GALNT13: variants seen among roughly 807,000 people sequenced by gnomAD.
GALNT13 encodes UDP-GalNAc:polypeptide N-acetylgalactosaminyltransferase 13.
Under a neutral mutation model 64.2 loss-of-function variants are expected in GALNT13, and 28 were observed. The observed-to-expected ratio is 0.44, with a 90% confidence interval of 0.32 to 0.60. The LOEUF (loss-of-function observed/expected upper bound fraction) is 0.60, where lower values mean the gene tolerates loss of function less well. Among genes scored for constraint, GALNT13 ranks in the 20% least tolerant of loss-of-function variants. GALNT13 has a pLI of 0.05. For synonymous variants in GALNT13, 214 were observed against 224.6 expected (o/e 0.95, Z 0.42); for missense variants, 577 against 669.8 (o/e 0.86, Z 1.53).
chr2:153,188,224 T>C, the GALNT13 span, among the ~76,000 whole-genome samples: 1 of 152,058 alleles, frequency 6.6e-6, no homozygotes, highest in African/African-American at 2.4e-5. Context: ...ATGTAATATA[T>C]AATATTTTTA....
the GALNT13 span, chr2:153,761,872 T>C: frequency 6.3e-6 from 1 of 158,496 alleles, no homozygotes; most frequent in Admixed American, 6.4e-5. Context: ...AGACATAAAC[T>C]AGTCTTCTTG....
At chr2:153,567,981 G>A in the GALNT13 span, among the ~76,000 whole-genome samples, 5 of 152,178 alleles carry the variant, frequency 3.3e-5, no homozygotes, top group Non-Finnish European at 5.9e-5. Context: ...ACAGAGAAAC[G>A]TGTTAGCTTC....
the GALNT13 span, among the ~76,000 whole-genome samples, chr2:153,558,828 C>T: frequency 6.6e-6 from 1 of 152,172 alleles, no homozygotes; most frequent in Admixed American, 6.5e-5. Flanking sequence ...ATAATAGTAT[C>T]TTTCACTTTG....
At chr2:153,088,844 T>G in the GALNT13 span, among the ~76,000 whole-genome samples, 1 of 152,152 alleles carries the variant, frequency 6.6e-6, no homozygotes, top group African/African-American at 2.4e-5. Context: ...CCCCTTTACC[T>G]TATGTTTATG....
rs533059374 is a variant in GALNT13, at chr2:154,407,552, G to A, written c.1297-1432G>A. The stretch of plus-strand genomic sequence containing the variant: ...ATAGGTTCAATCCCTTCTAGTGTCT[G>A]GACCACCTGAAATCAGATTGAGAAT... On this transcript the variant is annotated intron_variant, in intron 10 of 12. Transcript: ENST00000392825. 2.0e-5 allele frequency among the ~76,000 whole-genome samples: 3 copies of A among 152,082 alleles called. No homozygotes were observed. The East Asian group carries it at 5.8e-4, about 29-fold the overall frequency.
chr2:153,085,586 T>C, the GALNT13 span, among the ~76,000 whole-genome samples: 1 of 152,150 alleles, frequency 6.6e-6, no homozygotes, highest in Admixed American at 6.5e-5. Context: ...CCACATGGTG[T>C]TGAGCCTGTG....
At chr2:153,957,284 A>T (rs562166831) in intron 3 of GALNT13, among the ~76,000 whole-genome samples, 139 of 152,256 alleles carry the variant, frequency 9.1e-4, no homozygotes, top group Non-Finnish European at 1.8e-3. Context: ...AGGGAAAGGG[A>T]TCCAATAGCA....
At chr2:154,125,653 A>G (rs140638080) in intron 3 of GALNT13, among the ~76,000 whole-genome samples, 161 of 152,302 alleles carry the variant, frequency 1.1e-3, no homozygotes, top group African/African-American at 3.7e-3. Flanking sequence ...AAAAAATAGA[A>G]AGGGATGGAA....
At chr2:153,541,278 TTTGCTTCCTCTTCTGCCATGA>T in the GALNT13 span, among the ~76,000 whole-genome samples, 1 of 152,138 alleles carries the variant, frequency 6.6e-6, no homozygotes, top group Admixed American at 6.5e-5. Flanking sequence ...GAAGGATGTG[TTTGCTTCCTCTTCTGCCATGA>T]TTGTAAGTTT....
chr2:154,411,669 C>T (rs1195909171), intron 11 of GALNT13, among the ~76,000 whole-genome samples: 1 of 151,720 alleles, frequency 6.6e-6, no homozygotes, highest in East Asian at 1.9e-4. Context: ...TAGATTGTAT[C>T]TGGCGAGTGG....
intron 3 of GALNT13, among the ~76,000 whole-genome samples, chr2:154,043,461 CAT>C (rs1699118804): frequency 9.4e-6 from 1 of 106,350 alleles, no homozygotes; most frequent in African/African-American, 3.8e-5. Context: ...TATATACACA[CAT>C]GTATACATAA....
intron 8 of GALNT13, among the ~76,000 whole-genome samples, chr2:154,268,167 G>A (rs545368188): frequency 2.0e-4 from 30 of 152,192 alleles, no homozygotes; most frequent in Middle Eastern, 3.4e-3. Flanking sequence ...TTGTAATACC[G>A]AAAGCCAGAA....
intron 4 of GALNT13, among the ~76,000 whole-genome samples, chr2:154,199,896 T>G (rs1687080406): frequency 6.6e-6 from 1 of 152,066 alleles, no homozygotes; most frequent in East Asian, 1.9e-4. Context: ...AGGTTTGGAT[T>G]GAAAGCATAA....
rs148700440 is a variant in GALNT13, at chr2:154,420,167, C to T, written c.1395+11085C>T. The stretch of plus-strand genomic sequence containing the variant: ...CATACACGTAGACACAAAGGCGTAC[C>T]TCAACCATCAGGACAACTTTTCTTA... On this transcript the variant is annotated intron_variant, in intron 11 of 12. Coordinates refer to ENST00000392825, the MANE Select transcript of GALNT13 (RefSeq NM_052917.4). Among the ~76,000 whole-genome samples, 196 of 152,078 alleles carry T rather than the reference C, an allele frequency of 1.3e-3. 1 individual carries two copies. The highest frequency in any genetic ancestry group is 4.2e-3 in the African/African-American group (174 of 41,522).
the GALNT13 span, among the ~76,000 whole-genome samples, chr2:153,559,347 A>G: frequency 6.6e-6 from 1 of 152,060 alleles, no homozygotes; most frequent in South Asian, 2.1e-4. Flanking sequence ...CTCCCCTTCT[A>G]TTTTTCACCA....
the GALNT13 span, among the ~76,000 whole-genome samples, chr2:153,671,538 G>A: frequency 2.6e-5 from 4 of 152,258 alleles, no homozygotes; most frequent in African/African-American, 9.6e-5. Flanking sequence ...CCCTACAAGA[G>A]CTCCTGAAGG....
the GALNT13 span, among the ~76,000 whole-genome samples, chr2:153,369,752 T>C: frequency 4.4e-4 from 67 of 152,250 alleles, no homozygotes; most frequent in Middle Eastern, 3.4e-3. Context: ...AATTCAGATA[T>C]CATATTGTGA....
the GALNT13 span, among the ~76,000 whole-genome samples, chr2:153,112,412 C>T: frequency 1.8e-4 from 28 of 152,224 alleles, no homozygotes; most frequent in East Asian, 5.4e-3. Context: ...ATTAGGCACT[C>T]TCTCTCCCAC....
At chr2:154,401,690 A>G (rs1699310656) in intron 10 of GALNT13, among the ~76,000 whole-genome samples, 1 of 152,210 alleles carries the variant, frequency 6.6e-6, no homozygotes, top group African/African-American at 2.4e-5. Flanking sequence ...GCAACAAACT[A>G]TATGCCAGTT....
Sources: allele counts gnomAD v4.1 joint callset (sites outside exome capture counted in the v4.1 genomes callset), GRCh38; gene constraint gnomAD v4.1.1; transcripts MANE v1.5; gene names NCBI Gene and HGNC (gene_info 2026-07-23, HGNC 2026-07-21).